Variants in BPIFA2 observed in about 807,000 individuals in gnomAD.
The protein encoded by BPIFA2 is BPI fold containing family A member 2, also known as BPI fold-containing family A member 2.
Under a neutral mutation model 25.7 loss-of-function variants are expected in BPIFA2, and 20 were observed. That is an observed-to-expected ratio of 0.78 (90% CI 0.55 to 1.13). The LOEUF is 1.13. Among genes scored for constraint, BPIFA2 ranks in the 50% most tolerant of loss-of-function variants. The pLI is 0.00. For synonymous variants in BPIFA2, 126 were observed against 124.3 expected (o/e 1.01, Z -0.09); for missense variants, 300 against 298.1 (o/e 1.01, Z -0.05).
chr20:33,173,526 A>G (rs997756507), intron 3 of BPIFA2, among the ~76,000 whole-genome samples: 5 of 152,148 alleles, frequency 3.3e-5, no homozygotes, highest in South Asian at 4.1e-4. Flanking sequence ...ATTTTTTGAG[A>G]TGGAGTTTCA....
intron 5 of BPIFA2, among the ~76,000 whole-genome samples, chr20:33,176,654 G>A (rs2146456149): frequency 6.6e-6 from 1 of 152,298 alleles, no homozygotes; most frequent in Middle Eastern, 3.4e-3. Context: ...TCTGTGAGAT[G>A]GCACCACTCT....
chr20:33,165,648 C>A (rs1202201778), upstream of BPIFA2, among the ~76,000 whole-genome samples: 1 of 152,212 alleles, frequency 6.6e-6, no homozygotes, highest in Non-Finnish European at 1.5e-5. Context: ...GATCAGGAAG[C>A]TGCCCCAGCT....
At position 33,175,509 on chromosome 20, in the gene BPIFA2, G is replaced by A; in HGVS notation, c.513G>A (p.Leu171=). The A allele has an allele frequency of 6.2e-7, 1 of 1,614,140 alleles. No individual in the cohort carries two copies. Among genetic ancestry groups the A allele is most frequent in the Non-Finnish European group, 8.5e-7 (1 of 1,180,004 alleles). Residue 171 remains leucine, a synonymous_variant, in exon 5 of 9, where the codon CTG becomes CTA. Transcript: ENST00000354932. The part of the protein sequence containing the change: ...DPQTHQPVAV[L]GECASDPTSI... ...AGACACACCAGCCTGTTGCCGTCCTGGGAGAATGCGCCAGTGACCCAACCA... is the reference window on the plus strand; with the variant it reads ...AGACACACCAGCCTGTTGCCGTCCTAGGAGAATGCGCCAGTGACCCAACCA...
exon 1 of BPIFA2, chr20:33,161,882 C>G (rs1004796852): frequency 1.3e-5 from 2 of 152,240 alleles, no homozygotes; most frequent in African/African-American, 4.8e-5. Flanking sequence ...CCAGCAGAAA[C>G]AGAGAAGTCT....
chr20:33,175,298 G>C, intron 4 of BPIFA2, 109 bp from the exon 5 acceptor site: 1 of 1,105,780 alleles, frequency 9.0e-7, no homozygotes, highest in Non-Finnish European at 1.3e-6. Flanking sequence ...GGGCCATGTT[G>C]ACATTACACA....
chr20:33,180,197 GAC>G (rs1156735795), intron 7 of BPIFA2, among the ~76,000 whole-genome samples: 5 of 151,676 alleles, frequency 3.3e-5, no homozygotes, highest in African/African-American at 9.7e-5. Flanking sequence ...CGGCCTGGGT[GAC>G]AGAGTGAGAC....
At chr20:33,171,129 A>T (rs1983883504) in intron 2 of BPIFA2, among the ~76,000 whole-genome samples, 1 of 152,194 alleles carries the variant, frequency 6.6e-6, no homozygotes, top group South Asian at 2.1e-4. Context: ...TGTTTTGCTT[A>T]CTGTATCCTT....
upstream of BPIFA2, among the ~76,000 whole-genome samples, chr20:33,166,609 C>G (rs2078876678): frequency 6.6e-6 from 1 of 152,148 alleles, no homozygotes; most frequent in African/African-American, 2.4e-5. Flanking sequence ...GGTCACATGG[C>G]CAGCAACCAG....
At position 33,177,232 on chromosome 20, in the gene BPIFA2, G is replaced by A. The variant is rs184436205; in HGVS notation, c.564-915G>A. ...TAGCCGGGGGTGGTGGCGGTTTCCT[G>A]TAATCCCAGCTACTCGGGACGCTGA... is the stretch of plus-strand genomic sequence containing the variant. On this transcript the variant is annotated intron_variant, in intron 5 of 8. Transcript: ENST00000354932. 1.3e-3 allele frequency among the ~76,000 whole-genome samples: 203 copies of A among 152,084 alleles called. 1 individual carries two copies. The highest frequency in any genetic ancestry group is 2.4e-3 in the Non-Finnish European group (163 of 68,000).
At position 33,175,425 on chromosome 20, in the gene BPIFA2, T is replaced by A; in HGVS notation, c.429T>A (p.Ile143=). 1 of 1,613,918 alleles carries A rather than the reference T, an allele frequency of 6.2e-7. No homozygotes were observed. The highest frequency in any genetic ancestry group is 1.1e-5 in the South Asian group (1 of 91,028). The part of the protein sequence containing the change: ...VTVAGPIIGQ[I]INLKASLDLL... ...CCTGCAGGCCCATCATTGGCCAGAT[T>A]ATCAACCTGAAAGCCTCCTTGGACC... Residue 143 remains isoleucine, a synonymous_variant, in exon 5 of 9, where the codon ATT becomes ATA. Transcript: ENST00000354932.
upstream of BPIFA2, among the ~76,000 whole-genome samples, chr20:33,164,469 G>T (rs140193380): frequency 2.0e-3 from 297 of 152,154 alleles, 3 homozygotes; most frequent in South Asian, 2.5e-3. Context: ...CTCAGAGAGT[G>T]GGACTGGCGA....
chr20:33,173,140 G>A, intron 3 of BPIFA2, 64 bp downstream of exon 3: 1 of 1,557,886 alleles, frequency 6.4e-7, no homozygotes, highest in East Asian at 2.3e-5. Flanking sequence ...TCTTTGAGGA[G>A]GTAAGTTTAA....
At chr20:33,180,662 C>A in intron 8 of BPIFA2, 65 bp downstream of exon 8, 3 of 1,352,820 alleles carry the variant, frequency 2.2e-6, no homozygotes, top group African/African-American at 1.5e-5. Flanking sequence ...TCAAGCGTGG[C>A]TTCCCTTATT....
chr20:33,178,986 A>C (rs1984178903), intron 6 of BPIFA2, among the ~76,000 whole-genome samples: 1 of 152,146 alleles, frequency 6.6e-6, no homozygotes, highest in Admixed American at 6.5e-5. Context: ...GACCCTTTAA[A>C]ATTCCAGGGT....
chr20:33,173,127 A>G (rs772551622), intron 3 of BPIFA2, 51 bp downstream of exon 3: 81 of 1,582,830 alleles, frequency 5.1e-5, no homozygotes, highest in Non-Finnish European at 6.5e-5. Context: ...AAGGGAAAAC[A>G]TATCTTTGAG....
upstream of BPIFA2, among the ~76,000 whole-genome samples, chr20:33,166,383 C>G (rs1983724797): frequency 6.6e-6 from 1 of 152,180 alleles, no homozygotes; most frequent in Non-Finnish European, 1.5e-5. Context: ...ATATTGAAGT[C>G]AAACCATCGT....
chr20:33,174,844 G>A (rs746875761), intron 4 of BPIFA2, among the ~76,000 whole-genome samples: 3 of 152,200 alleles, frequency 2.0e-5, no homozygotes, highest in African/African-American at 7.2e-5. Flanking sequence ...CGGAGAGGTC[G>A]AGGCTGCAGT....
upstream of BPIFA2, among the ~76,000 whole-genome samples, chr20:33,165,599 A>G (rs936661873): frequency 3.9e-5 from 6 of 152,314 alleles, no homozygotes; most frequent in African/African-American, 1.4e-4. Context: ...CCAGGTATGG[A>G]AAAAGATACC....
chr20:33,165,015 G>A (rs1161297775), upstream of BPIFA2, among the ~76,000 whole-genome samples: 2 of 152,252 alleles, frequency 1.3e-5, no homozygotes, highest in Non-Finnish European at 2.9e-5. Flanking sequence ...GTGTCCAGAT[G>A]TGGAATCCGG....
Sources: allele counts gnomAD v4.1 joint callset (sites outside exome capture counted in the v4.1 genomes callset), GRCh38; gene constraint gnomAD v4.1.1; transcripts MANE v1.5; gene names NCBI Gene and HGNC (gene_info 2026-07-23, HGNC 2026-07-21).